Variants in SMAD2 observed in about 807,000 individuals in gnomAD.
The protein encoded by SMAD2 is SMAD family member 2.
Under a neutral mutation model 64.4 loss-of-function variants are expected in SMAD2, and 8 were observed. The ratio of observed to expected loss-of-function variants is 0.12; its 90% confidence interval spans 0.07 to 0.22. SMAD2 has a LOEUF of 0.22. Ranked by LOEUF, SMAD2 falls within the 10% of genes least tolerant of loss-of-function variation. The probability of loss-of-function intolerance (pLI) is 1.00; values close to 1 mark genes in which losing one functional copy is unlikely to be tolerated. For missense variants in SMAD2, 289 were observed against 561.2 expected (o/e 0.51, Z 4.90); for synonymous variants, 203 against 195.8 (o/e 1.04, Z -0.31).
chr18:47,919,292 C>A (rs529874592), intron 1 of SMAD2, among the ~76,000 whole-genome samples: 21 of 152,000 alleles, frequency 1.4e-4, no homozygotes, highest in Non-Finnish European at 2.8e-4. Flanking sequence ...CGCCCCACCC[C>A]CAACACACTC....
chr18:47,892,126 T>C (rs1227481180), intron 2 of SMAD2, among the ~76,000 whole-genome samples: 1 of 152,170 alleles, frequency 6.6e-6, no homozygotes, highest in Non-Finnish European at 1.5e-5. Context: ...TAAATATGAT[T>C]ATGTGGTATC....
chr18:47,850,239 T>TTATATA (rs200082191), intron 7 of SMAD2, among the ~76,000 whole-genome samples: 4 of 62,568 alleles, frequency 6.4e-5, no homozygotes, highest in South Asian at 4.2e-4. Flanking sequence ...ATATTATATA[T>TTATATA]TATATATTAT....
intron 2 of SMAD2, among the ~76,000 whole-genome samples, chr18:47,890,004 A>G (rs1223293663): frequency 6.6e-6 from 1 of 152,202 alleles, no homozygotes; most frequent in Non-Finnish European, 1.5e-5. Context: ...CAAAGGTCCT[A>G]GGGCAGGTAG....
At chr18:47,850,544 ATATAATATATATTATG>A (rs1158130274) in intron 7 of SMAD2, among the ~76,000 whole-genome samples, 2 of 17,814 alleles carry the variant, frequency 1.1e-4, no homozygotes, top group African/African-American at 3.7e-4. Context: ...TATGTTATAT[ATATAATATATATTATG>A]TATAATATAT....
At chr18:47,861,084 A>G (rs111328795) in intron 6 of SMAD2, among the ~76,000 whole-genome samples, 5,175 of 152,232 alleles carry the variant, frequency 0.034, 310 homozygotes, top group African/African-American at 0.12. Flanking sequence ...AGCCGGGCAC[A>G]GTGGCTCACG....
chr18:47,842,648 T>C (rs1914082300), intron 10 of SMAD2, among the ~76,000 whole-genome samples: 1 of 152,108 alleles, frequency 6.6e-6, no homozygotes, highest in Non-Finnish European at 1.5e-5. Flanking sequence ...CACAGAATAG[T>C]AGATACTCAA....
chr18:47,833,179 G>T lies in SMAD2; in HGVS notation c.*8648C>A, dbSNP rs964581580. On this transcript the variant is annotated 3_prime_UTR_variant, in exon 11 of 11. Transcript: ENST00000262160. ...AACGGTGACAGGGCTGTTAACACAG[G>T]TAAGAGCAAACAAGGTAAAAAGTGA... is the stretch of plus-strand genomic sequence containing the variant. 2 of 206,676 alleles carry T rather than the reference G, an allele frequency of 9.7e-6. No individual in the cohort carries two copies. The highest frequency in any genetic ancestry group is 2.0e-5 in the Non-Finnish European group (2 of 100,812). 12.8% of individuals were successfully genotyped at this position (206,676 alleles called of 1,614,324 possible).
intron 6 of SMAD2, among the ~76,000 whole-genome samples, chr18:47,852,671 T>C (rs1179591433): frequency 6.6e-6 from 1 of 152,190 alleles, no homozygotes; most frequent in Non-Finnish European, 1.5e-5. Context: ...CATTATTCTA[T>C]GAAGGGTGAC....
chr18:47,879,770 C>T (rs2032480846), intron 2 of SMAD2, among the ~76,000 whole-genome samples: 1 of 152,020 alleles, frequency 6.6e-6, no homozygotes, highest in Admixed American at 6.6e-5. Flanking sequence ...GATCATTTTC[C>T]AGAGTACGAT....
At chr18:47,860,825 A>G (rs929352920) in intron 6 of SMAD2, among the ~76,000 whole-genome samples, 4 of 152,200 alleles carry the variant, frequency 2.6e-5, no homozygotes, top group African/African-American at 9.6e-5. Context: ...ACAAAATTCA[A>G]CAGCCATTTA....
rs925511672 is a variant in SMAD2, at chr18:47,814,195, T to C, written c.*27632A>G. On this transcript the variant is annotated 3_prime_UTR_variant, in exon 11 of 11. Coordinates refer to ENST00000262160, the MANE Select transcript of SMAD2 (RefSeq NM_005901.6). Reference sequence around the variant, plus strand: ...TCTTCATATATGCCCCCCTGCTGTCTTTCCAATAAAGGTAAGCCCTGAAGC... The same window carrying C: ...TCTTCATATATGCCCCCCTGCTGTCCTTCCAATAAAGGTAAGCCCTGAAGC... 1 of 152,218 alleles carries C rather than the reference T, an allele frequency of 6.6e-6. No homozygotes were observed. The highest frequency in any genetic ancestry group is 1.5e-5 in the Non-Finnish European group (1 of 68,058). The allele number at this position is 152,218 out of a possible 1,614,324, so 9.4% of individuals were successfully genotyped here. A position where few individuals can be genotyped will look rare whatever the true frequency, so the allele number is the denominator to read the frequency against.
In SMAD2 at chr18:47,827,873, G is replaced by A. The variant is rs1035699185; in HGVS notation, c.*13954C>T. 15 of 185,812 alleles carry A rather than the reference G, an allele frequency of 8.1e-5. No homozygotes were observed. The highest frequency in any genetic ancestry group is 5.1e-4 in the East Asian group (3 of 5,898). 11.5% of individuals were successfully genotyped at this position (185,812 alleles called of 1,614,324 possible). ...CGCCTGCCTTGGCCTCCCAAAGTGC[G>A]GAGATTGCAGCCTCTGCCCGGCCGC... On this transcript the variant is annotated 3_prime_UTR_variant, in exon 11 of 11. Coordinates refer to ENST00000262160, the MANE Select transcript of SMAD2 (RefSeq NM_005901.6).
chr18:47,907,306 T>G (rs540109965), intron 1 of SMAD2, among the ~76,000 whole-genome samples: 1 of 152,126 alleles, frequency 6.6e-6, no homozygotes, highest in Admixed American at 6.6e-5. Context: ...ATAATTATAG[T>G]GTGCTCATAA....
In SMAD2 at chr18:47,830,661, TA is replaced by T. The variant is rs2144251887; in HGVS notation, c.*11165del. The T allele has an allele frequency of 6.6e-6, 1 of 152,496 alleles. No individual in the cohort carries two copies. Among genetic ancestry groups the T allele is most frequent in the Non-Finnish European group, 1.5e-5 (1 of 68,172 alleles). The allele number at this position is 152,496 out of a possible 1,614,324, so 9.4% of individuals were successfully genotyped here. A position where few individuals can be genotyped will look rare whatever the true frequency, so the allele number is the denominator to read the frequency against. ...TTTAGAAGTGAGTCATCATTTGTAT[TA>T]AAATCTTATTTACATGGTACTTATG... is the stretch of plus-strand genomic sequence containing the variant. On this transcript the variant is annotated 3_prime_UTR_variant, in exon 11 of 11. Coordinates refer to ENST00000262160, the MANE Select transcript of SMAD2 (RefSeq NM_005901.6).
rs1248944013 is a variant in SMAD2 at position 47,812,669 on chromosome 18, G to A, written c.*29158C>T. 1 of 152,176 alleles carries A rather than the reference G, an allele frequency of 6.6e-6. No individual in the cohort carries two copies. Among genetic ancestry groups the A allele is most frequent in the Non-Finnish European group, 1.5e-5 (1 of 68,030 alleles). The allele number at this position is 152,176 out of a possible 1,614,324, so 9.4% of individuals were successfully genotyped here. ...TTACAATTCAAGATGAGATTTGGGT[G>A]GGGATGGAGACCCAAACCATATCAG... On this transcript the variant is annotated 3_prime_UTR_variant, in exon 11 of 11. Transcript: ENST00000262160.
At chr18:47,899,119 T>G (rs1349479822) in intron 1 of SMAD2, among the ~76,000 whole-genome samples, 1 of 152,178 alleles carries the variant, frequency 6.6e-6, no homozygotes, top group South Asian at 2.1e-4. Context: ...ATTAGGGACA[T>G]AGAAGGAACA....
intron 8 of SMAD2, among the ~76,000 whole-genome samples, chr18:47,847,180 A>G (rs1253319020): frequency 6.6e-6 from 1 of 152,172 alleles, no homozygotes; most frequent in Non-Finnish European, 1.5e-5. Context: ...ACAAAAACAA[A>G]AAACTATTTT....
chr18:47,892,160 T>C (rs1272561657), intron 2 of SMAD2, among the ~76,000 whole-genome samples: 6 of 152,098 alleles, frequency 3.9e-5, no homozygotes, highest in Admixed American at 3.9e-4. Flanking sequence ...TTTCCTGTAG[T>C]TGAGTCATCC....
chr18:47,845,309 G>A lies in SMAD2; in HGVS notation c.1280+31C>T, dbSNP rs376880843. On this transcript the variant is annotated intron_variant, in intron 10 of 10. Coordinates refer to ENST00000262160, the MANE Select transcript of SMAD2 (RefSeq NM_005901.6). ...TGCAATGAAACATAATTACACTGTG[G>A]AAATTTAAGAACCAAATATGTATTT... 1.9e-6 allele frequency: 3 copies of A among 1,601,250 alleles called. No individual in the cohort carries two copies. In the African/African-American group the frequency reaches 4.0e-5, roughly 21 times the overall value.
Sources: allele counts gnomAD v4.1 joint callset (sites outside exome capture counted in the v4.1 genomes callset), GRCh38; gene constraint gnomAD v4.1.1; transcripts MANE v1.5; gene names NCBI Gene and HGNC (gene_info 2026-07-23, HGNC 2026-07-21).